Variants in ATOSA observed in about 807,000 individuals in gnomAD.
ATOSA encodes atos homolog A.
chr15:52,607,523 A>C, the ATOSA span, among the ~76,000 whole-genome samples: 1 of 152,118 alleles, frequency 6.6e-6, no homozygotes, highest in Non-Finnish European at 1.5e-5. Context: ...GAGTCAAGAG[A>C]CTGGGGTGGG....
At chr15:52,633,368 C>A in the ATOSA span, among the ~76,000 whole-genome samples, 1 of 152,168 alleles carries the variant, frequency 6.6e-6, no homozygotes. Flanking sequence ...TGTTTTCAGA[C>A]ACTGGCCAGC....
the ATOSA span, among the ~76,000 whole-genome samples, chr15:52,672,487 G>A: frequency 8.5e-6 from 1 of 117,364 alleles, no homozygotes. Context: ...CTACAATTTT[G>A]CCTTTTCATT....
At chr15:52,685,879 G>A in the ATOSA span, among the ~76,000 whole-genome samples, 23 of 152,048 alleles carry the variant, frequency 1.5e-4, no homozygotes, top group African/African-American at 2.4e-4. Context: ...ACCATGCCCC[G>A]CTAATTTTTT....
chr15:52,649,075 G>C, the ATOSA span, among the ~76,000 whole-genome samples: 1 of 152,138 alleles, frequency 6.6e-6, no homozygotes, highest in Non-Finnish European at 1.5e-5. Flanking sequence ...TTGAATTTTT[G>C]ATACTATAAC....
At chr15:52,612,778 C>A in the ATOSA span, among the ~76,000 whole-genome samples, 4 of 152,044 alleles carry the variant, frequency 2.6e-5, no homozygotes. Flanking sequence ...GCTGGGATTA[C>A]AGGCGTGAAC....
chr15:52,679,807 C>T, the ATOSA span, among the ~76,000 whole-genome samples: 417 of 110,846 alleles, frequency 3.8e-3, 11 homozygotes, highest in African/African-American at 0.014. Context: ...CCCTCCCCCT[C>T]CTTCCCCCCC....
chr15:52,642,075 TTG>T, the ATOSA span, among the ~76,000 whole-genome samples: 3 of 152,158 alleles, frequency 2.0e-5, no homozygotes, highest in Admixed American at 6.5e-5. Flanking sequence ...ATTATTTATT[TTG>T]TGTTATTATG....
At chr15:52,705,465 T>C in the ATOSA span, among the ~76,000 whole-genome samples, 15 of 152,060 alleles carry the variant, frequency 9.9e-5, no homozygotes, top group Non-Finnish European at 1.9e-4. Flanking sequence ...GTAACAAACC[T>C]GCACGTTGTG....
At chr15:52,665,328 T>A in the ATOSA span, among the ~76,000 whole-genome samples, 9 of 152,194 alleles carry the variant, frequency 5.9e-5, no homozygotes, top group African/African-American at 2.2e-4. Context: ...GGGCATATAA[T>A]GTTGGAGAAT....
chr15:52,681,815 G>T, the ATOSA span, among the ~76,000 whole-genome samples: 5 of 152,132 alleles, frequency 3.3e-5, no homozygotes, highest in African/African-American at 1.2e-4. Flanking sequence ...GTTGAAATGG[G>T]TGGTGTATGA....
chr15:52,615,344 A>G, the ATOSA span, among the ~76,000 whole-genome samples: 2 of 152,242 alleles, frequency 1.3e-5, no homozygotes, highest in African/African-American at 2.4e-5. Flanking sequence ...TTCATACACA[A>G]AAGTGCACAC....
At chr15:52,699,458 C>T in the ATOSA span, among the ~76,000 whole-genome samples, 2 of 151,360 alleles carry the variant, frequency 1.3e-5, no homozygotes, top group Non-Finnish European at 2.9e-5. Context: ...CTATCTTGTG[C>T]ACAAGATAGG....
At chr15:52,694,555 T>C in the ATOSA span, among the ~76,000 whole-genome samples, 1 of 152,018 alleles carries the variant, frequency 6.6e-6, no homozygotes, top group Non-Finnish European at 1.5e-5. Flanking sequence ...GAAAATTTGC[T>C]GGGTGTGGTG....
chr15:52,614,860 T>A, the ATOSA span, among the ~76,000 whole-genome samples: 7 of 151,780 alleles, frequency 4.6e-5, no homozygotes, highest in South Asian at 8.3e-4. Flanking sequence ...AAAAAAAAAA[T>A]TAATATTTTT....
the ATOSA span, among the ~76,000 whole-genome samples, chr15:52,624,846 C>T: frequency 5.2e-4 from 78 of 151,426 alleles, no homozygotes; most frequent in Non-Finnish European, 8.7e-4. Flanking sequence ...GGTGCGATCC[C>T]GGCTCACTGA....
the ATOSA span, among the ~76,000 whole-genome samples, chr15:52,583,281 A>T: frequency 1.3e-5 from 2 of 152,234 alleles, no homozygotes; most frequent in Non-Finnish European, 2.9e-5. Flanking sequence ...ACAAATAGCT[A>T]TGGTTGTTAA....
chr15:52,676,367 G>A, the ATOSA span, among the ~76,000 whole-genome samples: 4 of 152,164 alleles, frequency 2.6e-5, no homozygotes, highest in Non-Finnish European at 4.4e-5. Context: ...TCAATGGGTG[G>A]TGACAGCAAT....
the ATOSA span, among the ~76,000 whole-genome samples, chr15:52,707,556 A>C: frequency 2.0e-5 from 3 of 152,360 alleles, no homozygotes; most frequent in South Asian, 6.2e-4. Context: ...AAGAGGCATG[A>C]TTCAATCCTA....
the ATOSA span, among the ~76,000 whole-genome samples, chr15:52,623,367 AGCTATACTAATTAGGAG>A: frequency 6.6e-6 from 1 of 152,112 alleles, no homozygotes; most frequent in Non-Finnish European, 1.5e-5. Flanking sequence ...GAATGAAAGT[AGCTATACTAATTAGGAG>A]GTTATTATAG....
Sources: gnomAD v4.1 joint callset for allele counts (sites outside exome capture counted in the v4.1 genomes callset) on GRCh38, gnomAD v4.1.1 for gene constraint, MANE v1.5 for transcripts, NCBI Gene and HGNC (gene_info 2026-07-23, HGNC 2026-07-21) for gene names.